The following SNX29 variants were observed in gnomAD, a reference collection of about 807,000 sequenced individuals.
SNX29 encodes the protein sorting nexin 29, also known as sorting nexin-29.
Under a neutral mutation model 102.1 loss-of-function variants are expected in SNX29, and 78 were observed. The observed-to-expected ratio is 0.76, with a 90% CI of 0.64 to 0.92. The LOEUF (loss-of-function observed/expected upper bound fraction) is 0.92, where lower values mean the gene tolerates loss of function less well. Ranked by LOEUF, SNX29 falls within the 40% of genes least tolerant of loss-of-function variation. The pLI is 0.00. For missense variants in SNX29, 1,280 were observed against 1,061.7 expected (o/e 1.21, Z -2.86); for synonymous variants, 580 against 414.5 (o/e 1.40, Z -4.85).
chr16:12,543,438 C>T (rs889114308), intron 20 of SNX29, among the ~76,000 whole-genome samples: 7 of 152,206 alleles, frequency 4.6e-5, no homozygotes, highest in African/African-American at 1.7e-4. Context: ...GGTGGGCAAA[C>T]ATATGTTCAT....
At position 12,509,807 on chromosome 16, in the gene SNX29, A is replaced by G. The variant is rs185252631; in HGVS notation, c.2179-14895A>G. 3.5e-4 allele frequency among the ~76,000 whole-genome samples: 53 copies of G among 152,290 alleles called. 1 individual carries two copies. In the East Asian group the frequency reaches 0.01, roughly 29 times the overall value. ...ATCCACCCCTCCATTCCGCCACATG[A>G]GTGAATGCCGTTCCCAGCTCCTGGC... On this transcript the variant is annotated intron_variant, in intron 19 of 20. Coordinates refer to ENST00000566228, the MANE Select transcript of SNX29 (RefSeq NM_032167.5).
intron 18 of SNX29, among the ~76,000 whole-genome samples, chr16:12,404,038 G>C (rs763487867): frequency 3.9e-5 from 6 of 152,156 alleles, no homozygotes; most frequent in Non-Finnish European, 8.8e-5. Flanking sequence ...CTTGGGGTTG[G>C]GTGACGGACT....
intron 15 of SNX29, among the ~76,000 whole-genome samples, chr16:12,298,738 C>T (rs989265367): frequency 6.6e-6 from 1 of 152,170 alleles, no homozygotes. Context: ...CTGTCTCTCA[C>T]CGGCCAAGGA....
At chr16:12,559,622 C>G (rs893020915) in intron 20 of SNX29, among the ~76,000 whole-genome samples, 1 of 152,128 alleles carries the variant, frequency 6.6e-6, no homozygotes, top group Non-Finnish European at 1.5e-5. Flanking sequence ...CGTGACCTTG[C>G]ACATGGCCCT....
chr16:12,538,641 G>A (rs938279447), intron 20 of SNX29, among the ~76,000 whole-genome samples: 9 of 152,100 alleles, frequency 5.9e-5, no homozygotes, highest in South Asian at 4.1e-4. Flanking sequence ...TGGAAAAACT[G>A]GGCTGTGAAA....
intron 13 of SNX29, among the ~76,000 whole-genome samples, chr16:12,196,622 C>CTTTTTTTTTTTTTTTTTTT (rs34779383): frequency 2.3e-5 from 3 of 129,666 alleles, no homozygotes; most frequent in Non-Finnish European, 4.8e-5. Context: ...TTTCTTTTTT[C>CTTTTTTTTTTTTTTTTTTT]TTTTTTTTTT....
chr16:12,219,137 C>T (rs2077407060), intron 14 of SNX29, among the ~76,000 whole-genome samples: 1 of 152,254 alleles, frequency 6.6e-6, no homozygotes, highest in South Asian at 2.1e-4. Flanking sequence ...TATCCTGGGG[C>T]CTTTTGGCAG....
chr16:12,573,160 A>G lies in SNX29; in HGVS notation c.*4531A>G, dbSNP rs1314142741. ...AAAATAAAGCTTCAGCTCCTTGGTC[A>G]ATAGAAGTAAGGGTGTAGCCATCCA... On this transcript the variant is annotated 3_prime_UTR_variant, in exon 21 of 21. Coordinates refer to ENST00000566228, the MANE Select transcript of SNX29 (RefSeq NM_032167.5). The G allele has an allele frequency of 4.4e-6, 1 of 226,274 alleles. No homozygotes were observed. Among genetic ancestry groups the G allele is most frequent in the Non-Finnish European group, 8.8e-6 (1 of 113,856 alleles). 14.0% of individuals were successfully genotyped at this position (226,274 alleles called of 1,614,324 possible).
intron 14 of SNX29, among the ~76,000 whole-genome samples, chr16:12,244,333 G>C (rs997400101): frequency 3.9e-5 from 6 of 152,164 alleles, no homozygotes; most frequent in African/African-American, 9.7e-5. Flanking sequence ...TACAAGCCAG[G>C]CACGATGGTT....
intron 13 of SNX29, among the ~76,000 whole-genome samples, chr16:12,162,155 A>G (rs1333236721): frequency 6.6e-5 from 10 of 151,996 alleles, no homozygotes; most frequent in Non-Finnish European, 1.5e-5. Flanking sequence ...TTTGCACGTG[A>G]TGGCTCCCTT....
intron 20 of SNX29, among the ~76,000 whole-genome samples, chr16:12,548,990 G>T (rs904377385): frequency 2.6e-5 from 4 of 152,200 alleles, no homozygotes; most frequent in Non-Finnish European, 4.4e-5. Context: ...CTGCTCTCCC[G>T]TGCTTTGGGT....
intron 15 of SNX29, 74 bp downstream of exon 15, chr16:12,278,110 C>A: frequency 7.3e-7 from 1 of 1,366,396 alleles, no homozygotes; most frequent in Non-Finnish European, 1.0e-6. Context: ...GTAGGTCCAG[C>A]CTATTCTAAA....
At chr16:12,532,505 G>A (rs1259680289) in intron 20 of SNX29, among the ~76,000 whole-genome samples, 2 of 152,230 alleles carry the variant, frequency 1.3e-5, no homozygotes, top group Admixed American at 6.5e-5. Flanking sequence ...TAGTGGGAAG[G>A]ATGTTAGTAA....
Position 12,129,674 on chromosome 16 carries a change from C to T in SNX29, c.1511C>T (p.Ala504Val), listed in dbSNP as rs201891583. The T allele has an allele frequency of 6.1e-3, 9,795 of 1,611,182 alleles. 40 individuals are homozygous for T. The highest frequency in any genetic ancestry group is 7.3e-3 in the Non-Finnish European group (8,657 of 1,179,542). The change falls in exon 13 of 21, where the codon GCG becomes GTG. Residue 504 changes from alanine (A) to valine (V), a missense_variant. Transcript: ENST00000566228. The part of the protein sequence containing the change: ...LLDGEMEHSA[A>V]LRQEVDTLKR... ...GACGGTGAGATGGAGCACTCAGCCGCGCTCCGGCAAGAGGTGGACACCTTG... is the reference window on the plus strand; with the variant it reads ...GACGGTGAGATGGAGCACTCAGCCGTGCTCCGGCAAGAGGTGGACACCTTG...
At chr16:12,431,120 G>A (rs2085295491) in intron 18 of SNX29, among the ~76,000 whole-genome samples, 2 of 152,192 alleles carry the variant, frequency 1.3e-5, no homozygotes, top group African/African-American at 2.4e-5. Flanking sequence ...CCAAAGTGCT[G>A]GGATTACAGG....
At chr16:12,535,350 G>C (rs2077045142) in intron 20 of SNX29, among the ~76,000 whole-genome samples, 1 of 152,132 alleles carries the variant, frequency 6.6e-6, no homozygotes, top group Admixed American at 6.5e-5. Context: ...TGGCCAGGCT[G>C]GTCTCGAACT....
At chr16:12,267,978 T>G (rs1192795097) in intron 14 of SNX29, among the ~76,000 whole-genome samples, 1 of 152,204 alleles carries the variant, frequency 6.6e-6, no homozygotes, top group African/African-American at 2.4e-5. Context: ...CTCCTCACTG[T>G]TGGTAGAACA....
intron 13 of SNX29, among the ~76,000 whole-genome samples, chr16:12,176,274 C>T (rs2076258395): frequency 6.6e-6 from 1 of 152,228 alleles, no homozygotes; most frequent in South Asian, 2.1e-4. Flanking sequence ...AGTGATGTCT[C>T]TTCTCCCAGC....
chr16:12,382,799 T>A (rs1419989103), intron 16 of SNX29, among the ~76,000 whole-genome samples: 3 of 152,138 alleles, frequency 2.0e-5, no homozygotes, highest in Non-Finnish European at 4.4e-5. Flanking sequence ...TTTATGGCCG[T>A]GTCACACCAA....
Sources: gnomAD v4.1 joint callset for allele counts (sites outside exome capture counted in the v4.1 genomes callset) on GRCh38, gnomAD v4.1.1 for gene constraint, MANE v1.5 for transcripts, NCBI Gene and HGNC (gene_info 2026-07-23, HGNC 2026-07-21) for gene names.